Variants in CRACD observed in about 807,000 individuals in gnomAD.
CRACD encodes the protein capping protein-inhibiting regulator of actin dynamics.
In CRACD, 56 loss-of-function variants were observed where a neutral mutation model predicts 106.8. The observed-to-expected ratio is 0.52, with a 90% CI of 0.42 to 0.66. The LOEUF (loss-of-function observed/expected upper bound fraction) is 0.66. CRACD is among the 30% of genes least tolerant of loss of function. CRACD has a pLI of 0.00. For missense variants in CRACD, 1,730 were observed against 1,623.2 expected, an observed-to-expected ratio of 1.07 and a Z score of -1.13; for synonymous variants, 754 against 670.8, an observed-to-expected ratio of 1.12 and a Z score of -1.92.
At chr4:56,272,546 T>C (rs1398237353) in intron 3 of CRACD, 54 bp downstream of exon 3, 1 of 152,404 alleles carries the variant, frequency 6.6e-6, no homozygotes. Flanking sequence ...GGGTGGGGAA[T>C]GGGATCCCAA....
At position 56,293,070 on chromosome 4, in the gene CRACD, T is replaced by C. The variant is rs181861887; in HGVS notation, c.-16-5144T>C. Among the ~76,000 whole-genome samples, 91 of 152,332 alleles carry C rather than the reference T, an allele frequency of 6.0e-4. 1 individual carries two copies. Among genetic ancestry groups the C allele is most frequent in the Admixed American group, 3.0e-3 (46 of 15,300 alleles). ...AAGTGGAAATTTGAGATCTAAAATA[T>C]ACTTCTGAAATTAAGAACTCAGCAG... On this transcript the variant is annotated intron_variant, in intron 3 of 10. Transcript: ENST00000682029.
chr4:56,130,423 A>C (rs1409109194), intron 1 of CRACD, among the ~76,000 whole-genome samples: 1 of 152,174 alleles, frequency 6.6e-6, no homozygotes, highest in African/African-American at 2.4e-5. Context: ...CTTCTGATTA[A>C]TCCTCAGTTG....
chr4:56,307,411 G>A (rs1256288897), intron 4 of CRACD, 124 bp from the exon 5 acceptor site: 1 of 763,532 alleles, frequency 1.3e-6, no homozygotes, highest in Admixed American at 2.8e-5. Context: ...GCATGGTGTT[G>A]AGTCTAGAAA....
intron 6 of CRACD, among the ~76,000 whole-genome samples, chr4:56,312,850 C>T (rs978801262): frequency 6.6e-6 from 1 of 152,198 alleles, no homozygotes; most frequent in Non-Finnish European, 1.5e-5. Context: ...CCCGGTAAAA[C>T]TCTGATTCTC....
intron 1 of CRACD, among the ~76,000 whole-genome samples, chr4:56,076,030 G>A (rs569938688): frequency 6.6e-6 from 1 of 152,268 alleles, no homozygotes; most frequent in African/African-American, 2.4e-5. Flanking sequence ...CTTCAAATTC[G>A]TATGTTGAAA....
chr4:56,205,815 ATTTG>A (rs1357597209), intron 2 of CRACD, among the ~76,000 whole-genome samples: 4 of 152,038 alleles, frequency 2.6e-5, no homozygotes, highest in Admixed American at 6.6e-5. Flanking sequence ...AAGTCCTCAG[ATTTG>A]TTTGTCATTT....
intron 2 of CRACD, among the ~76,000 whole-genome samples, chr4:56,227,461 T>A (rs1260850089): frequency 6.6e-6 from 1 of 151,970 alleles, no homozygotes; most frequent in East Asian, 2.0e-4. Flanking sequence ...CAAGGAAACT[T>A]CCTGGTCTTT....
At chr4:56,096,688 G>C (rs1055373893) in intron 1 of CRACD, among the ~76,000 whole-genome samples, 2 of 152,096 alleles carry the variant, frequency 1.3e-5, no homozygotes, top group African/African-American at 4.8e-5. Context: ...TTGAGAGGTC[G>C]AGTGTGATGA....
intron 1 of CRACD, among the ~76,000 whole-genome samples, chr4:56,148,756 T>C (rs1735481205): frequency 6.6e-6 from 1 of 152,228 alleles, no homozygotes; most frequent in East Asian, 1.9e-4. Flanking sequence ...GCTGAATTGA[T>C]CAGATTCTGA....
At chr4:56,291,662 C>T (rs1346302487) in intron 3 of CRACD, among the ~76,000 whole-genome samples, 7 of 152,282 alleles carry the variant, frequency 4.6e-5, no homozygotes, top group African/African-American at 1.7e-4. Flanking sequence ...CTTTCTCCTG[C>T]TCTCACCACA....
At chr4:56,198,517 G>T (rs940917527) in intron 2 of CRACD, among the ~76,000 whole-genome samples, 1 of 152,188 alleles carries the variant, frequency 6.6e-6, no homozygotes, top group Non-Finnish European at 1.5e-5. Flanking sequence ...TAGAAAGTAT[G>T]CACTGAACTA....
intron 2 of CRACD, among the ~76,000 whole-genome samples, chr4:56,243,315 T>C (rs1400100395): frequency 6.6e-6 from 1 of 152,178 alleles, no homozygotes; most frequent in East Asian, 1.9e-4. Flanking sequence ...GAGATAGTGA[T>C]CAACCAAAGA....
At chr4:56,052,969 TAAGG>T (rs1291276588) in intron 1 of CRACD, among the ~76,000 whole-genome samples, 4 of 152,220 alleles carry the variant, frequency 2.6e-5, no homozygotes, top group Non-Finnish European at 5.9e-5. Context: ...TTAGGGAAGT[TAAGG>T]AAGCATAACG....
chr4:56,118,256 T>C (rs1553903188), intron 1 of CRACD, among the ~76,000 whole-genome samples: 1 of 151,938 alleles, frequency 6.6e-6, no homozygotes, highest in Non-Finnish European at 1.5e-5. Flanking sequence ...TCATTTTGTA[T>C]ATCCAAAGGC....
chr4:56,163,540 T>G (rs879646143), intron 1 of CRACD, among the ~76,000 whole-genome samples: 1 of 152,188 alleles, frequency 6.6e-6, no homozygotes, highest in Non-Finnish European at 1.5e-5. Context: ...GTTTGATTGC[T>G]TCATTTTATT....
At chr4:56,134,373 A>G (rs1460372895) in intron 1 of CRACD, among the ~76,000 whole-genome samples, 3 of 152,174 alleles carry the variant, frequency 2.0e-5, no homozygotes, top group Non-Finnish European at 2.9e-5. Context: ...AAGCTGGTTG[A>G]GGAATGTGGC....
chr4:56,109,682 T>C (rs1252892064), intron 1 of CRACD, among the ~76,000 whole-genome samples: 1 of 151,888 alleles, frequency 6.6e-6, no homozygotes, highest in Non-Finnish European at 1.5e-5. Flanking sequence ...TTTTTGTAAA[T>C]TTAAAATTAT....
chr4:56,195,090 T>TGA (rs1372724874), intron 2 of CRACD, among the ~76,000 whole-genome samples: 1 of 152,208 alleles, frequency 6.6e-6, no homozygotes. Flanking sequence ...ATGGATAATG[T>TGA]GAGTCTTTAA....
At chr4:56,068,844 C>T (rs1732545139) in intron 1 of CRACD, among the ~76,000 whole-genome samples, 1 of 152,028 alleles carries the variant, frequency 6.6e-6, no homozygotes, top group South Asian at 2.1e-4. Context: ...TCGCCCCCTC[C>T]CCGAGACTCA....
Sources: gnomAD v4.1 joint callset for allele counts (sites outside exome capture counted in the v4.1 genomes callset) on GRCh38, gnomAD v4.1.1 for gene constraint, MANE v1.5 for transcripts, NCBI Gene and HGNC (gene_info 2026-07-23, HGNC 2026-07-21) for gene names.